The following FSTL4 variants were observed in gnomAD, a reference collection of about 807,000 sequenced individuals.
FSTL4 encodes the protein follistatin-related protein 4.
FSTL4 carries 28 observed loss-of-function variants against 78.2 expected under a neutral mutation model. The ratio of observed to expected loss-of-function variants is 0.36; its 90% CI spans 0.27 to 0.49. The LOEUF (loss-of-function observed/expected upper bound fraction) is 0.49. FSTL4 is among the 20% of genes least tolerant of loss of function. The pLI, the probability that FSTL4 is intolerant of heterozygous loss-of-function variation, is 0.98. For synonymous variants in FSTL4, 422 were observed against 440.5 expected (o/e 0.96, Z 0.53); for missense variants, 922 against 1,084.9 (o/e 0.85, Z 2.11).
chr5:133,514,762 CA>C (rs1758820421), intron 3 of FSTL4, among the ~76,000 whole-genome samples: 1 of 152,082 alleles, frequency 6.6e-6, no homozygotes, highest in Non-Finnish European at 1.5e-5. Flanking sequence ...AACCACAAAA[CA>C]ATTTATTTTT....
chr5:133,741,435 G>T, the FSTL4 span, among the ~76,000 whole-genome samples: 1 of 152,192 alleles, frequency 6.6e-6, no homozygotes, highest in South Asian at 2.1e-4. Flanking sequence ...TTCAGTCACT[G>T]GCTATGGACT....
chr5:133,347,187 C>T (rs1383159800), intron 4 of FSTL4, among the ~76,000 whole-genome samples: 5 of 152,100 alleles, frequency 3.3e-5, no homozygotes, highest in Non-Finnish European at 7.4e-5. Flanking sequence ...GCAGTAGACA[C>T]CGGTGTGCAT....
At chr5:133,648,792 T>G in the FSTL4 span, among the ~76,000 whole-genome samples, 9 of 152,108 alleles carry the variant, frequency 5.9e-5, no homozygotes, top group Non-Finnish European at 8.8e-5. Context: ...ACCTCCCACA[T>G]GCATAACCTC....
At chr5:133,633,771 C>G in the FSTL4 span, among the ~76,000 whole-genome samples, 1 of 152,184 alleles carries the variant, frequency 6.6e-6, no homozygotes, top group African/African-American at 2.4e-5. Context: ...TGACATCACT[C>G]TAGTAGGAGA....
intron 6 of FSTL4, among the ~76,000 whole-genome samples, chr5:133,251,711 G>A (rs1405805585): frequency 6.6e-6 from 1 of 152,180 alleles, no homozygotes; most frequent in Non-Finnish European, 1.5e-5. Context: ...CATCCACTCA[G>A]TGATGGACTT....
chr5:133,309,236 TG>T (rs1328196896), intron 6 of FSTL4, among the ~76,000 whole-genome samples: 1 of 145,672 alleles, frequency 6.9e-6, no homozygotes, highest in Non-Finnish European at 1.5e-5. Flanking sequence ...GTTGGGGTGG[TG>T]GGGGGTGGCG....
intron 8 of FSTL4, among the ~76,000 whole-genome samples, chr5:133,226,739 C>G (rs1420869584): frequency 6.6e-6 from 1 of 152,174 alleles, no homozygotes; most frequent in Non-Finnish European, 1.5e-5. Context: ...AAGTGGACAG[C>G]TACATTTTCC....
intron 4 of FSTL4, among the ~76,000 whole-genome samples, chr5:133,377,274 G>T (rs78299212): frequency 1.0e-3 from 158 of 151,732 alleles, no homozygotes; most frequent in African/African-American, 3.8e-3. Context: ...TTACTCATAG[G>T]ACAGAGATTT....
intron 4 of FSTL4, among the ~76,000 whole-genome samples, chr5:133,358,551 C>T (rs1051956542): frequency 3.3e-5 from 5 of 150,338 alleles, no homozygotes; most frequent in African/African-American, 7.3e-5. Context: ...ACCTTGTGTT[C>T]GCTTGCACGA....
chr5:133,499,369 T>C (rs1481665527), intron 3 of FSTL4, among the ~76,000 whole-genome samples: 4 of 126,690 alleles, frequency 3.2e-5, no homozygotes, highest in Non-Finnish European at 3.4e-5. Context: ...ACAAGGGGAA[T>C]ACACACACAC....
chr5:133,784,775 CA>C, the FSTL4 span, among the ~76,000 whole-genome samples: 1 of 151,580 alleles, frequency 6.6e-6, no homozygotes, highest in African/African-American at 2.4e-5. Context: ...TGTTTTGGCA[CA>C]AAGTTTGTTT....
the FSTL4 span, among the ~76,000 whole-genome samples, chr5:133,839,610 G>A: frequency 6.6e-6 from 1 of 152,186 alleles, no homozygotes; most frequent in South Asian, 2.1e-4. Context: ...ATTGTACAGA[G>A]CATCCTTAGA....
chr5:133,411,000 G>A (rs1298856394), intron 3 of FSTL4, among the ~76,000 whole-genome samples: 1 of 152,198 alleles, frequency 6.6e-6, no homozygotes, highest in Non-Finnish European at 1.5e-5. Context: ...TGGGAAGCTG[G>A]CTTTCCTGAA....
At chr5:133,238,130 G>A (rs1751716037) in intron 7 of FSTL4, among the ~76,000 whole-genome samples, 1 of 152,166 alleles carries the variant, frequency 6.6e-6, no homozygotes, top group Non-Finnish European at 1.5e-5. Flanking sequence ...ATGGGAGTCA[G>A]GTATATATGG....
chr5:133,773,658 T>A, the FSTL4 span, among the ~76,000 whole-genome samples: 1 of 152,200 alleles, frequency 6.6e-6, no homozygotes, highest in Non-Finnish European at 1.5e-5. Flanking sequence ...CAGCTTACTG[T>A]TCTTACTAGT....
chr5:133,301,067 A>G (rs1348060256), intron 6 of FSTL4, among the ~76,000 whole-genome samples: 1 of 152,198 alleles, frequency 6.6e-6, no homozygotes, highest in African/African-American at 2.4e-5. Flanking sequence ...CAGGACTCAG[A>G]AAGGATGCCA....
chr5:133,514,584 A>C (rs1251129643), intron 3 of FSTL4, among the ~76,000 whole-genome samples: 1 of 152,200 alleles, frequency 6.6e-6, no homozygotes, highest in African/African-American at 2.4e-5. Flanking sequence ...ACAAATAATC[A>C]AGACAAAGAC....
the FSTL4 span, among the ~76,000 whole-genome samples, chr5:133,627,015 G>T: frequency 6.6e-6 from 1 of 152,018 alleles, no homozygotes; most frequent in African/African-American, 2.4e-5. Context: ...GAATGTGTCT[G>T]TCCCTCCTTT....
At chr5:133,792,632 C>T in the FSTL4 span, among the ~76,000 whole-genome samples, 2 of 152,224 alleles carry the variant, frequency 1.3e-5, no homozygotes, top group African/African-American at 2.4e-5. Context: ...GGTCTGAGGG[C>T]ACCGAGGTTA....
Sources: gnomAD v4.1 joint callset for allele counts (sites outside exome capture counted in the v4.1 genomes callset) on GRCh38, gnomAD v4.1.1 for gene constraint, MANE v1.5 for transcripts, NCBI Gene and HGNC (gene_info 2026-07-23, HGNC 2026-07-21) for gene names.